Variants in RAPGEF5 observed in about 807,000 individuals in gnomAD.
RAPGEF5 encodes M-Ras-regulated GEF.
In RAPGEF5, 65 loss-of-function variants were observed where a neutral mutation model predicts 125.2. The ratio of observed to expected loss-of-function variants is 0.52; its 90% CI spans 0.43 to 0.64. The LOEUF is 0.64. RAPGEF5 is among the 30% of genes least tolerant of loss of function. The probability of loss-of-function intolerance (pLI) is 0.00; values close to 1 mark genes in which losing one functional copy is unlikely to be tolerated. For missense variants in RAPGEF5, 958 were observed against 1,048.1 expected (o/e 0.91, Z 1.19); for synonymous variants, 391 against 385.9 (o/e 1.01, Z -0.16).
chr7:22,197,692 G>T (rs759173096), intron 9 of RAPGEF5, among the ~76,000 whole-genome samples: 1 of 151,956 alleles, frequency 6.6e-6, no homozygotes. Flanking sequence ...TTCTGTCCCC[G>T]CCTTGCCCAA....
chr7:22,163,552 T>C (rs1583433148), intron 12 of RAPGEF5, among the ~76,000 whole-genome samples: 1 of 152,354 alleles, frequency 6.6e-6, no homozygotes, highest in East Asian at 1.9e-4. Context: ...TTTTAGAGCA[T>C]ATGAATTATT....
At chr7:22,275,556 T>C (rs1434471412) in intron 6 of RAPGEF5, among the ~76,000 whole-genome samples, 1 of 152,156 alleles carries the variant, frequency 6.6e-6, no homozygotes, top group East Asian at 1.9e-4. Context: ...ACAGTGGAAA[T>C]GGTCTATTGA....
chr7:22,310,114 C>A, intron 3 of RAPGEF5, 24 bp from the exon 4 acceptor site: 3 of 1,506,770 alleles, frequency 2.0e-6, no homozygotes, highest in South Asian at 1.3e-5. Flanking sequence ...AAGCCATTCA[C>A]AGTAAGATAT....
chr7:22,203,424 T>C (rs1428082268), intron 9 of RAPGEF5, among the ~76,000 whole-genome samples: 1 of 152,248 alleles, frequency 6.6e-6, no homozygotes, highest in Admixed American at 6.5e-5. Flanking sequence ...TAATGCTCTA[T>C]GGGCTCTTGG....
rs1272646675 is a variant in RAPGEF5 at position 22,140,085 on chromosome 7, G to T, written c.2217C>A (p.Phe739Leu). The T allele has an allele frequency of 6.4e-7, 1 of 1,564,120 alleles. No individual in the cohort carries two copies. The highest frequency in any genetic ancestry group is 8.7e-7 in the Non-Finnish European group (1 of 1,153,902). ...HCKAQRNLNSFFAIVMGLNTA... is the reference protein window; with the variant it reads ...HCKAQRNLNSLFAIVMGLNTA... ...TGTTGAGACCCATCACAATGGCAAA[G>T]AAAGAATTCAGGTTTCTCTGGGCTT... The change falls in exon 21 of 26, where the codon TTC becomes TTA. Residue 739 changes from phenylalanine to leucine, a missense_variant. Phe to Leu is a conservative substitution (Grantham distance 22). Transcript: ENST00000665637.
At chr7:22,175,812 C>G (rs559708374) in intron 11 of RAPGEF5, among the ~76,000 whole-genome samples, 1 of 152,162 alleles carries the variant, frequency 6.6e-6, no homozygotes, top group Admixed American at 6.5e-5. Context: ...ATTCTAACAA[C>G]TGAATCAACT....
intron 14 of RAPGEF5, among the ~76,000 whole-genome samples, chr7:22,160,038 G>C (rs530202065): frequency 6.6e-6 from 1 of 152,298 alleles, no homozygotes; most frequent in African/African-American, 2.4e-5. Flanking sequence ...GAACCCAGGA[G>C]GTGGAGGTTG....
At chr7:22,144,992 G>T (rs1257934283) in intron 20 of RAPGEF5, 52 bp downstream of exon 20, 5 of 1,553,460 alleles carry the variant, frequency 3.2e-6, no homozygotes, top group Non-Finnish European at 3.5e-6. Context: ...GAAGAACAAT[G>T]TACTCTCTCA....
chr7:22,308,442 A>G lies in RAPGEF5; in HGVS notation c.577T>C (p.Tyr193His). 2 of 1,577,348 alleles carry G rather than the reference A, an allele frequency of 1.3e-6. No individual in the cohort carries two copies. The highest frequency in any genetic ancestry group is 2.3e-5 in the East Asian group (1 of 43,638). Residue 193 changes from tyrosine to histidine, a missense_variant, in exon 5 of 26, where the codon TAC (tyrosine) becomes CAC (histidine). By Grantham distance (83) the Tyr-to-His change is moderately conservative (BLOSUM62 2). Coordinates refer to ENST00000665637, the MANE Select transcript of RAPGEF5 (RefSeq NM_012294.5). The stretch of plus-strand genomic sequence containing the variant: ...TCTCTTTCAAATTCACAGTACAAGT[A>G]GCTACATTCATCAGAGGAAAACTGG... ...FYQFSSDECS[Y>H]LYCEFEREEE...
At chr7:22,324,964 C>T (rs1247330112) in intron 1 of RAPGEF5, among the ~76,000 whole-genome samples, 1 of 152,216 alleles carries the variant, frequency 6.6e-6, no homozygotes, top group Non-Finnish European at 1.5e-5. Flanking sequence ...TCTCTACAGA[C>T]ACTCTGCTTC....
chr7:22,212,785 TG>T (rs1004459712), intron 9 of RAPGEF5, among the ~76,000 whole-genome samples: 6 of 152,236 alleles, frequency 3.9e-5, no homozygotes, highest in African/African-American at 1.4e-4. Context: ...CAGGCCTTGA[TG>T]GGGGTAGAGA....
chr7:22,214,169 A>G (rs775613641), intron 9 of RAPGEF5, among the ~76,000 whole-genome samples: 1 of 152,216 alleles, frequency 6.6e-6, no homozygotes, highest in Non-Finnish European at 1.5e-5. Context: ...GCTGAGTGAT[A>G]GAGACCCTAC....
rs1055649371 is a variant in RAPGEF5 at position 22,118,705 on chromosome 7, C to CTTT, written c.*3700_*3701insAAA. ...ATCACAGCAGCCCTAATTAATGATA[C>CTTT]ATTAAAAGGCAAGATTTCTTGCTTC... is the stretch of plus-strand genomic sequence containing the variant. On this transcript the variant is annotated 3_prime_UTR_variant, in exon 26 of 26. Coordinates refer to ENST00000665637, the MANE Select transcript of RAPGEF5 (RefSeq NM_012294.5). The CTTT allele has an allele frequency of 2.0e-5, 3 of 152,578 alleles. No individual in the cohort carries two copies. The highest frequency in any genetic ancestry group is 2.9e-5 in the Non-Finnish European group (2 of 68,026). The allele number at this position is 152,578 out of a possible 1,614,324, so 9.5% of individuals were successfully genotyped here. A position where few individuals can be genotyped will look rare whatever the true frequency, so the allele number is the denominator to read the frequency against.
At chr7:22,318,263 A>G (rs1287486232) in intron 1 of RAPGEF5, among the ~76,000 whole-genome samples, 1 of 152,174 alleles carries the variant, frequency 6.6e-6, no homozygotes, top group East Asian at 1.9e-4. Context: ...TTCCACTTCA[A>G]TGGCTCCCAA....
chr7:22,316,571 G>A (rs55900743), intron 2 of RAPGEF5, among the ~76,000 whole-genome samples: 43,999 of 144,630 alleles, frequency 0.3, 7,048 homozygotes, highest in Non-Finnish European at 0.36. Flanking sequence ...GCTCACTGCA[G>A]CCTAGGCTTC....
chr7:22,150,311 C>A, intron 18 of RAPGEF5, 96 bp downstream of exon 18: 1 of 1,242,988 alleles, frequency 8.0e-7, no homozygotes, highest in Non-Finnish European at 1.1e-6. Flanking sequence ...GAGCTCAAGC[C>A]ATCTTCCTGC....
At chr7:22,142,125 TC>T (rs1783282757) in intron 20 of RAPGEF5, among the ~76,000 whole-genome samples, 2 of 152,288 alleles carry the variant, frequency 1.3e-5, no homozygotes, top group Non-Finnish European at 2.9e-5. Flanking sequence ...AACTGTTCCA[TC>T]CCCCTGCTGG....
In RAPGEF5 at chr7:22,145,226, A is replaced by G. The variant is rs1442334282; in HGVS notation, c.2008-4T>C. On this transcript the variant is annotated splice_region_variant and splice_polypyrimidine_tract_variant and intron_variant, in intron 19 of 25. Transcript: ENST00000665637. ...ACGTGAAGTAGATCAGCTCTTGCTG[A>G]AAGAAAATGTATTCATGCCAGGGTT... The G allele has an allele frequency of 1.2e-6, 2 of 1,604,278 alleles. No homozygotes were observed. The highest frequency in any genetic ancestry group is 1.1e-5 in the South Asian group (1 of 89,178).
At chr7:22,206,451 C>G (rs1422523022) in intron 9 of RAPGEF5, among the ~76,000 whole-genome samples, 2 of 152,098 alleles carry the variant, frequency 1.3e-5, no homozygotes, top group East Asian at 3.9e-4. Context: ...CTTATAGTCC[C>G]AGCACTTTAG....
Sources: allele counts gnomAD v4.1 joint callset (sites outside exome capture counted in the v4.1 genomes callset), GRCh38; gene constraint gnomAD v4.1.1; transcripts MANE v1.5; gene names NCBI Gene and HGNC (gene_info 2026-07-23, HGNC 2026-07-21).